Variants in ROS1 observed in about 807,000 individuals in gnomAD.
The protein encoded by ROS1 is ROS proto-oncogene 1, receptor tyrosine kinase.
Under a neutral mutation model 273.5 loss-of-function variants are expected in ROS1, and 263 were observed. The ratio of observed to expected loss-of-function variants is 0.96; its 90% CI spans 0.87 to 1.06. The LOEUF (loss-of-function observed/expected upper bound fraction) is 1.06. ROS1 is among the 50% of genes least tolerant of loss of function. The pLI is 0.00. For synonymous variants in ROS1, 1,008 were observed against 954.1 expected (o/e 1.06, Z -1.04); for missense variants, 2,833 against 2,751.1 (o/e 1.03, Z -0.67).
At position 117,416,132 on chromosome 6, in the gene ROS1, T is replaced by C. The variant is rs142361906; in HGVS notation, c.228+126A>G. 26 of 650,638 alleles carry C rather than the reference T, an allele frequency of 4.0e-5. No individual in the cohort carries two copies. In the East Asian group the frequency reaches 6.8e-4, roughly 17 times the overall value. The allele number at this position is 650,638 out of a possible 1,614,324, so 40.3% of individuals were successfully genotyped here. A position where few individuals can be genotyped will look rare whatever the true frequency, so the allele number is the denominator to read the frequency against. On this transcript the variant is annotated intron_variant, in intron 3 of 43. Coordinates refer to ENST00000368507, the MANE Select transcript of ROS1 (RefSeq NM_001378902.1). ...CAGGCTATTGGTTTTTTAGTTTTGTTTTGTTTTGTCTTAGGGTCAAGCAAA... is the reference window on the plus strand; with the variant it reads ...CAGGCTATTGGTTTTTTAGTTTTGTCTTGTTTTGTCTTAGGGTCAAGCAAA...
Position 117,359,831 on chromosome 6 carries a change from A to T in ROS1, c.3611T>A (p.Leu1204Ter), listed in dbSNP as rs35302901. The change falls in exon 24 of 44, where the codon TTG becomes TAG. Residue 1204 changes from leucine (L) to a stop codon, truncating the protein, a stop_gained. Coordinates refer to ENST00000368507, the MANE Select transcript of ROS1 (RefSeq NM_001378902.1). LOFTEE classifies it high-confidence loss of function. ...AEGDSLFLLHLHNRSSSELFQ... is the reference protein window; with the variant it reads ...AEGDSLFLLH ...TACCTCAGAGCTAGAGCGATTGTGC[A>T]AGTGCAGAAGAAAGAGTGAGTCCCC... is the stretch of plus-strand genomic sequence containing the variant. The T allele has an allele frequency of 6.2e-4, 995 of 1,613,898 alleles. No individual in the cohort carries two copies. Among genetic ancestry groups the T allele is most frequent in the Non-Finnish European group, 8.0e-4 (940 of 1,179,806 alleles).
rs749376024 is a variant in ROS1, at chr6:117,356,793, T to C, written c.3962A>G (p.Gln1321Arg). The part of the protein sequence containing the change: ...TATNQQNKRN[Q>R]CSCNVTEFEL... Reference sequence around the variant, plus strand: ...AAATTCAGTCACATTACAAGAACATTGATTCCTTTTGTTTTGTTGGTTTGT... The same window carrying C: ...AAATTCAGTCACATTACAAGAACATCGATTCCTTTTGTTTTGTTGGTTTGT... The change falls in exon 26 of 44, where the codon CAA (glutamine) becomes CGA (arginine). Residue 1321 changes from glutamine (Q) to arginine (R), a missense_variant. By Grantham distance (43) the Gln-to-Arg change is conservative (BLOSUM62 1). Coordinates refer to ENST00000368507, the MANE Select transcript of ROS1 (RefSeq NM_001378902.1). The C allele has an allele frequency of 6.2e-7, 1 of 1,614,164 alleles. No individual in the cohort carries two copies. The highest frequency in any genetic ancestry group is 8.5e-7 in the Non-Finnish European group (1 of 1,180,014).
At chr6:117,360,088 G>A in intron 23 of ROS1, 77 bp from the exon 24 acceptor site, 1 of 1,227,456 alleles carries the variant, frequency 8.1e-7, no homozygotes. Context: ...TTTAATATCT[G>A]GCAGTTTTGA....
intron 18 of ROS1, among the ~76,000 whole-genome samples, chr6:117,368,660 T>G (rs1017985343): frequency 6.6e-6 from 1 of 152,194 alleles, no homozygotes; most frequent in Non-Finnish European, 1.5e-5. Flanking sequence ...ATTTTAAAAC[T>G]AATATTTGAT....
In ROS1 at chr6:117,342,446, T is replaced by G. The variant is rs762390077; in HGVS notation, c.4605A>C (p.Glu1535Asp). Residue 1535 changes from glutamate to aspartate, a missense_variant, in exon 29 of 44, where the codon GAA becomes GAC. Glu to Asp is a conservative substitution (Grantham distance 45, BLOSUM62 2). Transcript: ENST00000368507. ...AAATCTCTTTTCCTGGTGGTAAATG[T>G]TCCAAAGGATCTGAATAATAATTTT... ...AVKNYYSDPL[E>D]HLPPGKEIWG... 1 of 1,611,688 alleles carries G rather than the reference T, an allele frequency of 6.2e-7. No homozygotes were observed. The highest frequency in any genetic ancestry group is 1.1e-5 in the South Asian group (1 of 90,818).
In ROS1 at chr6:117,385,759, G is replaced by T. The variant is rs779989121; in HGVS notation, c.2213C>A (p.Pro738His). 6.2e-7 allele frequency: 1 copy of T among 1,614,132 alleles called. No homozygotes were observed. The highest frequency in any genetic ancestry group is 1.7e-5 in the Admixed American group (1 of 60,022). Residue 738 changes from proline (P) to histidine (H), a missense_variant, in exon 16 of 44, where the codon CCC becomes CAC. Transcript: ENST00000368507. ...TAAAGCCCCTGCTCCTGCAATGCTG[G>T]GTAGGTGATAATTCTCTGAGATATC... is the stretch of plus-strand genomic sequence containing the variant. ...GTDISENYHL[P>H]SIAGAGALAF...
chr6:117,324,413 C>G lies in ROS1; in HGVS notation c.5542G>C (p.Asp1848His), dbSNP rs1776494978. Reference sequence around the variant, plus strand: ...AAACTTGTTTCTGGTATCCAAAAATCATCTAATAATATAAATCAGAAAAAG... The same window carrying G: ...AAACTTGTTTCTGGTATCCAAAAATGATCTAATAATATAAATCAGAAAAAG... ...ISENIILVGD[D>H]FWIPETSFIL... Residue 1848 changes from aspartate (D) to histidine (H), a missense_variant and splice_region_variant, in exon 35 of 44, where the codon GAT becomes CAT. Coordinates refer to ENST00000368507, the MANE Select transcript of ROS1 (RefSeq NM_001378902.1). 1.5e-6 allele frequency: 2 copies of G among 1,332,456 alleles called. No homozygotes were observed. The highest frequency in any genetic ancestry group is 2.9e-5 in the African/African-American group (2 of 68,362). The allele number at this position is 1,332,456 out of a possible 1,614,324, so 82.5% of individuals were successfully genotyped here. A position where few individuals can be genotyped will look rare whatever the true frequency, so the allele number is the denominator to read the frequency against.
intron 42 of ROS1, among the ~76,000 whole-genome samples, chr6:117,303,686 C>T (rs531637370): frequency 2.6e-5 from 4 of 152,126 alleles, no homozygotes; most frequent in South Asian, 2.1e-4. Context: ...GATTTTTAAG[C>T]GGACATAATC....
chr6:117,294,660 A>G (rs1774082500), intron 43 of ROS1, among the ~76,000 whole-genome samples: 1 of 152,174 alleles, frequency 6.6e-6, no homozygotes. Context: ...ATTTCTATAT[A>G]CCAAAAATAA....
chr6:117,370,298 C>T lies in ROS1; in HGVS notation c.2583-4008G>A, dbSNP rs2128669045. Among the ~76,000 whole-genome samples the T allele has an allele frequency of 1.3e-5, 2 of 152,254 alleles. 1 individual carries two copies. Among genetic ancestry groups the T allele is most frequent in the South Asian group, 4.1e-4 (2 of 4,826 alleles). ...CACATCCTAAAGCCTTCTATGAACC[C>T]TTTGGGGACCCAAGAACCTAATACC... On this transcript the variant is annotated intron_variant, in intron 18 of 43. Transcript: ENST00000368507.
chr6:117,359,317 A>G (rs1310379540), intron 24 of ROS1, among the ~76,000 whole-genome samples: 1 of 152,216 alleles, frequency 6.6e-6, no homozygotes, highest in Non-Finnish European at 1.5e-5. Context: ...CATGCCAGGC[A>G]TTGTGCTAAG....
intron 16 of ROS1, among the ~76,000 whole-genome samples, chr6:117,385,004 T>C (rs2128695236): frequency 6.6e-6 from 1 of 152,302 alleles, no homozygotes; most frequent in African/African-American, 2.4e-5. Context: ...ACACCTAGAC[T>C]TATGTCTTCG....
chr6:117,396,234 A>G lies in ROS1; in HGVS notation c.837T>C (p.Gly279=), dbSNP rs772381124. The G allele has an allele frequency of 2.5e-6, 4 of 1,613,670 alleles. No individual in the cohort carries two copies. Among genetic ancestry groups the G allele is most frequent in the Admixed American group, 1.7e-5 (1 of 60,004 alleles). The change falls in exon 9 of 44, where the codon GGT becomes GGC. Residue 279 remains glycine, a synonymous_variant. Coordinates refer to ENST00000368507, the MANE Select transcript of ROS1 (RefSeq NM_001378902.1). ...RFSIAAVNEV[G]EGPEAESSIT... Reference sequence around the variant, plus strand: ...TACTAGATTCTGCTTCTGGACCCTCACCAACTTCATTTACTGCTGCAATAG... The same window carrying G: ...TACTAGATTCTGCTTCTGGACCCTCGCCAACTTCATTTACTGCTGCAATAG...
intron 9 of ROS1, among the ~76,000 whole-genome samples, chr6:117,395,376 T>C (rs1773407593): frequency 6.6e-6 from 1 of 152,008 alleles, no homozygotes; most frequent in African/African-American, 2.4e-5. Context: ...CAAAAATACC[T>C]CTCCTTTCCT....
chr6:117,400,768 CCTT>C (rs984846955), intron 7 of ROS1, among the ~76,000 whole-genome samples: 9 of 152,174 alleles, frequency 5.9e-5, no homozygotes, highest in African/African-American at 1.9e-4. Flanking sequence ...GACACCTTGA[CCTT>C]CTCCTTTTTT....
chr6:117,392,444 A>G (rs575109694), intron 12 of ROS1, among the ~76,000 whole-genome samples: 1 of 152,284 alleles, frequency 6.6e-6, no homozygotes, highest in East Asian at 1.9e-4. Flanking sequence ...CTGGTTACTA[A>G]TCTGTTATTA....
chr6:117,342,379 C>T, intron 29 of ROS1, 21 bp downstream of exon 29: 6 of 1,606,240 alleles, frequency 3.7e-6, no homozygotes, highest in Non-Finnish European at 5.1e-6. Flanking sequence ...TTGAGAAACC[C>T]ACAACAAGCC....
At chr6:117,392,290 T>A (rs1441232686) in intron 12 of ROS1, among the ~76,000 whole-genome samples, 1 of 152,212 alleles carries the variant, frequency 6.6e-6, no homozygotes, top group Non-Finnish European at 1.5e-5. Context: ...TTTTAAAATC[T>A]ATAATGAACA....
intron 6 of ROS1, 88 bp downstream of exon 6, chr6:117,404,192 G>T: frequency 7.8e-7 from 1 of 1,273,902 alleles, no homozygotes; most frequent in Non-Finnish European, 1.1e-6. Context: ...CTGCACTCCA[G>T]CCTGGGCGAC....
Sources: gnomAD v4.1 joint callset for allele counts (sites outside exome capture counted in the v4.1 genomes callset) on GRCh38, gnomAD v4.1.1 for gene constraint, MANE v1.5 for transcripts, NCBI Gene and HGNC (gene_info 2026-07-23, HGNC 2026-07-21) for gene names.